The following NMNAT1 variants were observed in gnomAD, a reference collection of about 807,000 sequenced individuals.
NMNAT1 encodes the protein nicotinamide/nicotinic acid mononucleotide adenylyltransferase 1.
Under a neutral mutation model 16.7 loss-of-function variants are expected in NMNAT1, and 11 were observed. The ratio of observed to expected loss-of-function variants is 0.66; its 90% CI spans 0.41 to 1.09. The LOEUF (loss-of-function observed/expected upper bound fraction) is 1.09, where lower values mean the gene tolerates loss of function less well. NMNAT1 is among the 50% of genes least tolerant of loss of function. The pLI is 0.00. For missense variants in NMNAT1, 280 were observed against 332.3 expected (o/e 0.84, Z 1.22); for synonymous variants, 110 against 119.8 (o/e 0.92, Z 0.53).
chr1:9,956,774 C>T (rs1452666451), intron 1 of NMNAT1, among the ~76,000 whole-genome samples: 1 of 146,176 alleles, frequency 6.8e-6, no homozygotes, highest in Non-Finnish European at 1.5e-5. Flanking sequence ...CTCTGTCACC[C>T]AGGCTGGAAT....
At chr1:9,969,283 A>G (rs919553187) in intron 1 of NMNAT1, among the ~76,000 whole-genome samples, 1 of 152,158 alleles carries the variant, frequency 6.6e-6, no homozygotes, top group African/African-American at 2.4e-5. Context: ...AGAGATGATA[A>G]TCTGTTGGGG....
At chr1:9,969,080 C>T (rs1293243910) in intron 1 of NMNAT1, among the ~76,000 whole-genome samples, 3 of 151,992 alleles carry the variant, frequency 2.0e-5, no homozygotes, top group Non-Finnish European at 4.4e-5. Context: ...CTTAACTCTT[C>T]TGTTATATAG....
chr1:9,966,657 G>GA (rs1319484670), intron 1 of NMNAT1, among the ~76,000 whole-genome samples: 3 of 151,966 alleles, frequency 2.0e-5, no homozygotes, highest in African/African-American at 7.2e-5. Flanking sequence ...ATATTTATTT[G>GA]AAAACCTTTA....
intron 1 of NMNAT1, among the ~76,000 whole-genome samples, chr1:9,956,232 C>A (rs563110237): frequency 1.4e-5 from 2 of 145,656 alleles, no homozygotes; most frequent in East Asian, 4.1e-4. Context: ...TGCAGTGGTG[C>A]GATCTCTGCT....
intron 4 of NMNAT1, 41 bp from the exon 5 acceptor site, chr1:9,982,260 A>T: frequency 6.4e-7 from 1 of 1,554,744 alleles, no homozygotes; most frequent in Non-Finnish European, 8.7e-7. Flanking sequence ...GGTAGAGGGG[A>T]AGAAAAAGCA....
Position 9,982,439 on chromosome 1 carries a change from C to T in NMNAT1, c.578C>T (p.Ala193Val), listed in dbSNP as rs1476946920. ...TGTGTTACTCGGGCTGGAAATGATG[C>T]TCAGAAGTTTATCTATGAATCGGAT... ...LICVTRAGND[A>V]QKFIYESDVL... The change falls in exon 5 of 5, where the codon GCT becomes GTT. Residue 193 changes from alanine (A) to valine (V), a missense_variant. Physicochemically the swap from Ala to Val is moderately conservative, Grantham distance 64 (BLOSUM62 0). Coordinates refer to ENST00000377205, the MANE Select transcript of NMNAT1 (RefSeq NM_022787.4). The T allele has an allele frequency of 3.1e-6, 5 of 1,613,968 alleles. No individual in the cohort carries two copies. The African/African-American group carries it at 4.0e-5, about 13-fold the overall frequency.
intron 1 of NMNAT1, among the ~76,000 whole-genome samples, chr1:9,948,551 G>A (rs2101635801): frequency 6.6e-6 from 1 of 152,224 alleles, no homozygotes; most frequent in East Asian, 1.9e-4. Context: ...TCCAGCCTGG[G>A]TGATAGAGCG....
chr1:9,960,919 A>G (rs1410996206), intron 1 of NMNAT1: 1 of 152,188 alleles, frequency 6.6e-6, no homozygotes, highest in Non-Finnish European at 1.5e-5. Context: ...TGTGCCCTGC[A>G]ATGATATGGA....
downstream of NMNAT1, among the ~76,000 whole-genome samples, chr1:9,990,322 C>T (rs1487615322): frequency 6.6e-6 from 1 of 152,166 alleles, no homozygotes; most frequent in East Asian, 1.9e-4. Flanking sequence ...TGTCTTAAAT[C>T]TAGTGCCCTT....
At chr1:9,996,850 C>G in the NMNAT1 span, among the ~76,000 whole-genome samples, 1 of 152,116 alleles carries the variant, frequency 6.6e-6, no homozygotes, top group Non-Finnish European at 1.5e-5. Context: ...TCTCTCAGGA[C>G]TCCTTGTTAA....
At position 9,984,683 on chromosome 1, in the gene NMNAT1, T is replaced by C. The variant is rs1642015782; in HGVS notation, c.*1982T>C. Reference sequence around the variant, plus strand: ...TTTGTTTGGCCTGTTTGTTTGATGCTGGGGGTTTTATGTGTTGTACCCTTT... The same window carrying C: ...TTTGTTTGGCCTGTTTGTTTGATGCCGGGGGTTTTATGTGTTGTACCCTTT... On this transcript the variant is annotated 3_prime_UTR_variant, in exon 5 of 5. Transcript: ENST00000377205. 6.6e-6 allele frequency: 1 copy of C among 152,196 alleles called. No homozygotes were observed. The highest frequency in any genetic ancestry group is 1.5e-5 in the Non-Finnish European group (1 of 68,046). 9.4% of individuals were successfully genotyped at this position (152,196 alleles called of 1,614,324 possible).
At chr1:9,994,101 CTTTTTTTTTT>C in the NMNAT1 span, among the ~76,000 whole-genome samples, 3 of 106,188 alleles carry the variant, frequency 2.8e-5, no homozygotes, top group South Asian at 3.0e-4. Context: ...CAAATGTTAG[CTTTTTTTTTT>C]TTTTTTTTTT....
intron 1 of NMNAT1, among the ~76,000 whole-genome samples, chr1:9,967,797 T>G (rs1043918601): frequency 6.6e-6 from 1 of 151,960 alleles, no homozygotes; most frequent in African/African-American, 2.4e-5. Flanking sequence ...CTGGGCAATA[T>G]GGCAAAACCC....
At chr1:9,943,025 G>C, upstream of NMNAT1, 1 of 316,806 alleles carries the variant, frequency 3.2e-6, no homozygotes, top group Non-Finnish European at 6.4e-6. Flanking sequence ...GCTTGGAAAA[G>C]GTAAGGGCGG....
At chr1:9,987,031 T>C (rs767729151), downstream of NMNAT1, among the ~76,000 whole-genome samples, 3 of 151,348 alleles carry the variant, frequency 2.0e-5, no homozygotes, top group Non-Finnish European at 4.4e-5. Flanking sequence ...ACCCTGTCTC[T>C]ACTAAAAATA....
Position 9,968,632 on chromosome 1 carries a change from G to A in NMNAT1, c.-56-3386G>A, listed in dbSNP as rs111244998. Among the ~76,000 whole-genome samples the A allele has an allele frequency of 6.6e-3, 977 of 148,346 alleles. 13 individuals are homozygous for A. The highest frequency in any genetic ancestry group is 0.023 in the African/African-American group (944 of 40,586). On this transcript the variant is annotated intron_variant, in intron 1 of 4. Transcript: ENST00000377205. ...AAATACAAAAAATAATTAGCCAGGA[G>A]TGGTGGCGGGCACCTATAGTCCCAG...
At chr1:9,980,925 G>A (rs1361700649) in intron 3 of NMNAT1, 106 bp from the exon 4 acceptor site, 2 of 1,268,332 alleles carry the variant, frequency 1.6e-6, no homozygotes, top group Non-Finnish European at 2.1e-6. Flanking sequence ...CAAAGTGCTG[G>A]GATTACAGGT....
At chr1:9,948,232 A>G (rs1641023288) in intron 1 of NMNAT1, among the ~76,000 whole-genome samples, 1 of 152,098 alleles carries the variant, frequency 6.6e-6, no homozygotes, top group Non-Finnish European at 1.5e-5. Context: ...GGGAGATTTT[A>G]TACTGAATAC....
intron 1 of NMNAT1, among the ~76,000 whole-genome samples, chr1:9,955,409 A>AAAG (rs1381622182): frequency 2.0e-5 from 3 of 149,624 alleles, no homozygotes; most frequent in Admixed American, 1.3e-4. Context: ...GTCTCAAAAA[A>AAAG]AAAAAAAAAA....
Sources: gnomAD v4.1 joint callset for allele counts (sites outside exome capture counted in the v4.1 genomes callset) on GRCh38, gnomAD v4.1.1 for gene constraint, MANE v1.5 for transcripts, NCBI Gene and HGNC (gene_info 2026-07-23, HGNC 2026-07-21) for gene names.